The following ANK2 variants were observed in gnomAD, a reference collection of about 807,000 sequenced individuals.
The protein encoded by ANK2 is ankyrin 2, also known as ankyrin-2.
In ANK2, 83 loss-of-function variants were observed where a neutral mutation model predicts 360.5. The observed-to-expected ratio is 0.23, with a 90% confidence interval of 0.19 to 0.28. The LOEUF is 0.28. ANK2 is among the 10% of genes least tolerant of loss of function. The probability of loss-of-function intolerance (pLI) is 1.00; values close to 1 mark genes in which losing one functional copy is unlikely to be tolerated. For missense variants in ANK2, 4,201 were observed against 4,795.7 expected (o/e 0.88, Z 3.66); for synonymous variants, 1,740 against 1,759.5 (o/e 0.99, Z 0.28).
At chr4:113,078,453 G>C (rs970619123) in intron 1 of ANK2, among the ~76,000 whole-genome samples, 1 of 152,156 alleles carries the variant, frequency 6.6e-6, no homozygotes, top group Non-Finnish European at 1.5e-5. Flanking sequence ...GGGAAATAAG[G>C]TCAAGTGAAG....
intron 10 of ANK2, among the ~76,000 whole-genome samples, chr4:113,252,775 A>G (rs550750829): frequency 6.6e-6 from 1 of 152,272 alleles, no homozygotes; most frequent in African/African-American, 2.4e-5. Flanking sequence ...ACGTATTCAT[A>G]CTACCTGCAT....
At chr4:113,119,811 G>C (rs1210916612) in intron 1 of ANK2, among the ~76,000 whole-genome samples, 1 of 152,066 alleles carries the variant, frequency 6.6e-6, no homozygotes, top group Non-Finnish European at 1.5e-5. Context: ...CCAAGGTAAA[G>C]ATATTGCACA....
Position 113,196,465 on chromosome 4 carries a change from A to C in ANK2, c.284A>C (p.Lys95Thr). 1 of 1,611,854 alleles carries C rather than the reference A, an allele frequency of 6.2e-7. No homozygotes were observed. The highest frequency in any genetic ancestry group is 8.5e-7 in the Non-Finnish European group (1 of 1,178,776). ...GRGSSVDSATKKGNTALHIAS... is the reference protein window; with the variant it reads ...GRGSSVDSATTKGNTALHIAS... ...GGGTCCTCTGTGGATTCTGCCACTA[A>C]GGTAACATTTATGTTGGTAGAACAT... The change falls in exon 3 of 46, where the codon AAG becomes ACG. Residue 95 changes from lysine (K) to threonine (T), a missense_variant and splice_region_variant. By Grantham distance (78) the Lys-to-Thr change is moderately conservative. Transcript: ENST00000357077.
intron 1 of ANK2, among the ~76,000 whole-genome samples, chr4:113,138,376 G>C (rs1000005431): frequency 6.6e-6 from 1 of 152,176 alleles, no homozygotes; most frequent in East Asian, 1.9e-4. Flanking sequence ...TGATGTCGGT[G>C]CAACACAACT....
At chr4:112,827,430 T>C (rs981905772) in intron 1 of ANK2, 14 of 1,382,082 alleles carry the variant, frequency 1.0e-5, no homozygotes, top group Non-Finnish European at 1.4e-5. Flanking sequence ...CACTAGAACT[T>C]GGAAGTGAGG....
At chr4:112,918,127 T>C (rs2090433799) in intron 2 of ANK2, among the ~76,000 whole-genome samples, 1 of 152,088 alleles carries the variant, frequency 6.6e-6, no homozygotes, top group Non-Finnish European at 1.5e-5. Flanking sequence ...TTTTTCTGAG[T>C]AGTCACCTAT....
chr4:113,354,860 C>A lies in ANK2; in HGVS notation c.6242C>A (p.Ala2081Asp), dbSNP rs1297050203. Reference sequence around the variant, plus strand: ...ATAGGAGTTAAGAAAGAAGATGCAGCTGGAGGAAAGGAGAAAGTTCTCAGC... The same window carrying A: ...ATAGGAGTTAAGAAAGAAGATGCAGATGGAGGAAAGGAGAAAGTTCTCAGC... ...SSIGVKKEDA[A>D]GGKEKVLSHK... Residue 2081 changes from alanine to aspartate, a missense_variant, in exon 38 of 46, where the codon GCT becomes GAT. Coordinates refer to ENST00000357077, the MANE Select transcript of ANK2 (RefSeq NM_001148.6). 6.2e-7 allele frequency: 1 copy of A among 1,614,016 alleles called. No homozygotes were observed. The highest frequency in any genetic ancestry group is 2.2e-5 in the East Asian group (1 of 44,864).
At chr4:113,374,820 A>C (rs1564196291) in intron 45 of ANK2, 1 of 1,255,054 alleles carries the variant, frequency 8.0e-7, no homozygotes, top group Non-Finnish European at 1.0e-6. Flanking sequence ...AGGCTGAGCC[A>C]GTGGAAGGCC....
At chr4:113,169,976 G>C (rs76986064) in intron 1 of ANK2, among the ~76,000 whole-genome samples, 3,971 of 152,176 alleles carry the variant, frequency 0.026, 154 homozygotes, top group African/African-American at 0.09. Context: ...TTTAGTTTCT[G>C]AATTTGACTC....
At chr4:112,809,354 G>A in the ANK2 span, among the ~76,000 whole-genome samples, 1 of 150,790 alleles carries the variant, frequency 6.6e-6, no homozygotes, top group Non-Finnish European at 1.5e-5. Flanking sequence ...GAGGTCAGGA[G>A]ATCGAGACCA....
At chr4:113,163,970 T>C (rs751815034) in intron 1 of ANK2, among the ~76,000 whole-genome samples, 13 of 152,114 alleles carry the variant, frequency 8.5e-5, no homozygotes, top group Non-Finnish European at 1.9e-4. Flanking sequence ...ATTCTCCATT[T>C]CTCTACCCCC....
intron 2 of ANK2, among the ~76,000 whole-genome samples, chr4:112,962,538 A>G (rs1184087149): frequency 6.6e-6 from 1 of 152,068 alleles, no homozygotes; most frequent in Non-Finnish European, 1.5e-5. Flanking sequence ...ATACTGATCT[A>G]TTTTCCTTTG....
intron 1 of ANK2, among the ~76,000 whole-genome samples, chr4:113,050,698 A>G (rs994906356): frequency 6.6e-6 from 1 of 152,166 alleles, no homozygotes; most frequent in Non-Finnish European, 1.5e-5. Flanking sequence ...GAGCAATAAT[A>G]TGGGCAGGAT....
chr4:112,937,197 A>G (rs2093815923), intron 2 of ANK2, among the ~76,000 whole-genome samples: 2 of 152,174 alleles, frequency 1.3e-5, no homozygotes, highest in Admixed American at 1.3e-4. Flanking sequence ...GGATGGGTAA[A>G]TTAGTGATGG....
chr4:113,355,033 G>T lies in ANK2; in HGVS notation c.6415G>T (p.Val2139Phe). ...DRKTSTDFSE[V>F]IKQELEDNDK... ...GAAAACCTCCACTGACTTCTCTGAGGTCATTAAGCAAGAGTTGGAAGACAA... is the reference window on the plus strand; with the variant it reads ...GAAAACCTCCACTGACTTCTCTGAGTTCATTAAGCAAGAGTTGGAAGACAA... The change falls in exon 38 of 46, where the codon GTC becomes TTC. Residue 2139 changes from valine to phenylalanine, a missense_variant. By Grantham distance (50) the Val-to-Phe change is conservative (BLOSUM62 -1). Around this residue, in one of 4 missense-constraint regions of ANK2, gnomAD observed 2,642 missense variants for 2,714.5 expected, o/e 0.97. Coordinates refer to ENST00000357077, the MANE Select transcript of ANK2 (RefSeq NM_001148.6). The T allele has an allele frequency of 6.2e-7, 1 of 1,613,992 alleles. No individual in the cohort carries two copies. Among genetic ancestry groups the T allele is most frequent in the Non-Finnish European group, 8.5e-7 (1 of 1,179,934 alleles).
At chr4:113,330,519 C>G in intron 27 of ANK2, 49 bp downstream of exon 27, 1 of 1,574,750 alleles carries the variant, frequency 6.4e-7, no homozygotes, top group Non-Finnish European at 8.7e-7. Context: ...GAGCTTGTGT[C>G]CTCTACATGA....
intron 1 of ANK2, among the ~76,000 whole-genome samples, chr4:113,077,929 G>T (rs2080807834): frequency 6.6e-6 from 1 of 152,186 alleles, no homozygotes; most frequent in Admixed American, 6.5e-5. Flanking sequence ...TGCTCAGGCA[G>T]TAAATATGTA....
chr4:113,131,813 T>C (rs1177466881), intron 1 of ANK2, among the ~76,000 whole-genome samples: 1 of 152,206 alleles, frequency 6.6e-6, no homozygotes, highest in African/African-American at 2.4e-5. Context: ...ATTCCACATA[T>C]CCTAAAGAAG....
chr4:113,117,207 TC>T, intron 1 of ANK2: 1 of 426,552 alleles, frequency 2.3e-6, no homozygotes, highest in South Asian at 1.7e-5. Flanking sequence ...AAATCACATC[TC>T]CATAGAGCTC....
Sources: allele counts gnomAD v4.1 joint callset (sites outside exome capture counted in the v4.1 genomes callset), GRCh38; gene constraint gnomAD v4.1.1; regional missense constraint gnomAD v4.1.1; transcripts MANE v1.5; gene names NCBI Gene and HGNC (gene_info 2026-07-23, HGNC 2026-07-21).